MACROD2: variants seen among roughly 807,000 people sequenced by gnomAD.
The protein encoded by MACROD2 is mono-ADP ribosylhydrolase 2, also known as ADP-ribose glycohydrolase MACROD2.
Under a neutral mutation model 70.4 loss-of-function variants are expected in MACROD2, and 36 were observed. That is an observed-to-expected ratio of 0.51 (90% CI 0.39 to 0.68). The LOEUF is 0.68. Ranked by LOEUF, MACROD2 falls within the 30% of genes least tolerant of loss-of-function variation. The probability of loss-of-function intolerance (pLI) is 0.00; values close to 1 mark genes in which losing one functional copy is unlikely to be tolerated. For missense variants in MACROD2, 496 were observed against 538.4 expected (o/e 0.92, Z 0.78); for synonymous variants, 172 against 178.8 (o/e 0.96, Z 0.30).
intron 3 of MACROD2, among the ~76,000 whole-genome samples, chr20:14,250,006 G>C (rs554978648): frequency 1.3e-5 from 2 of 152,142 alleles, no homozygotes; most frequent in South Asian, 4.2e-4. Flanking sequence ...ACTCATGGGT[G>C]GGGTGAGGGT....
chr20:14,706,308 A>C (rs952376972), intron 5 of MACROD2, among the ~76,000 whole-genome samples: 1 of 147,556 alleles, frequency 6.8e-6, no homozygotes, highest in Non-Finnish European at 1.5e-5. Context: ...GCAAGATTCT[A>C]TATTAAAAAA....
At chr20:14,021,133 G>A (rs1363285761) in intron 2 of MACROD2, among the ~76,000 whole-genome samples, 1 of 151,928 alleles carries the variant, frequency 6.6e-6, no homozygotes, top group Non-Finnish European at 1.5e-5. Context: ...GGGACTACAG[G>A]CGCCCACCAC....
chr20:15,401,736 G>A (rs1428393221), intron 6 of MACROD2, among the ~76,000 whole-genome samples: 1 of 152,154 alleles, frequency 6.6e-6, no homozygotes, highest in African/African-American at 2.4e-5. Flanking sequence ...AATAACCAAG[G>A]GCTTTGAGGC....
intron 8 of MACROD2, among the ~76,000 whole-genome samples, chr20:15,500,650 G>A (rs1041284914): frequency 7.2e-5 from 11 of 152,108 alleles, no homozygotes; most frequent in Non-Finnish European, 1.6e-4. Flanking sequence ...CATGAATTTA[G>A]CTATTTTCCT....
intron 5 of MACROD2, among the ~76,000 whole-genome samples, chr20:15,225,436 G>T (rs1482448682): frequency 6.6e-6 from 1 of 152,006 alleles, no homozygotes; most frequent in Non-Finnish European, 1.5e-5. Context: ...AAAAATAAAA[G>T]CAGTGAAAAG....
chr20:14,002,436 AT>A, intron 2 of MACROD2, 32 bp downstream of exon 2: 1 of 1,364,678 alleles, frequency 7.3e-7, no homozygotes, highest in Non-Finnish European at 1.0e-6. Flanking sequence ...TTAGGTAGAT[AT>A]TTTTCCCATT....
chr20:14,469,300 G>C (rs2084498824), intron 3 of MACROD2, among the ~76,000 whole-genome samples: 1 of 152,166 alleles, frequency 6.6e-6, no homozygotes. Flanking sequence ...GAGATCTGCT[G>C]TTAGTCTGAT....
chr20:14,292,203 C>T (rs1454946359), intron 3 of MACROD2, among the ~76,000 whole-genome samples: 1 of 151,928 alleles, frequency 6.6e-6, no homozygotes, highest in Non-Finnish European at 1.5e-5. Context: ...GGGTACAGCT[C>T]TTACTAGCCA....
At chr20:15,438,021 A>G (rs1181751669) in intron 7 of MACROD2, among the ~76,000 whole-genome samples, 1 of 152,024 alleles carries the variant, frequency 6.6e-6, no homozygotes, top group African/African-American at 2.4e-5. Flanking sequence ...TAGCCATGGT[A>G]GTGGGCATCT....
chr20:14,958,509 G>A (rs2074556722), intron 5 of MACROD2, among the ~76,000 whole-genome samples: 1 of 152,072 alleles, frequency 6.6e-6, no homozygotes, highest in East Asian at 1.9e-4. Context: ...ACAAGTCCTG[G>A]CACTCCCATC....
At chr20:14,108,475 TA>T (rs371559271) in intron 3 of MACROD2, among the ~76,000 whole-genome samples, 9,609 of 98,120 alleles carry the variant, frequency 0.098, 302 homozygotes, top group African/African-American at 0.12. Context: ...GCTAAGTGGA[TA>T]AAAAAAAAAA....
At chr20:14,739,942 T>C (rs1021402835) in intron 5 of MACROD2, among the ~76,000 whole-genome samples, 1 of 152,012 alleles carries the variant, frequency 6.6e-6, no homozygotes, top group Non-Finnish European at 1.5e-5. Flanking sequence ...GTATGTAAAG[T>C]AGGAATCTAT....
At chr20:14,618,128 A>G (rs904637653) in intron 4 of MACROD2, among the ~76,000 whole-genome samples, 14 of 152,130 alleles carry the variant, frequency 9.2e-5, no homozygotes, top group East Asian at 1.9e-4. Context: ...TTTTTCATCA[A>G]TGTATCCCAA....
chr20:14,300,176 T>C (rs756843175), intron 3 of MACROD2, among the ~76,000 whole-genome samples: 3 of 152,344 alleles, frequency 2.0e-5, no homozygotes, highest in South Asian at 2.1e-4. Context: ...AGTAAAACTT[T>C]CGTTTACTGA....
intron 12 of MACROD2, among the ~76,000 whole-genome samples, chr20:15,951,349 ACAAAGAGAG>A (rs2065902446): frequency 1.3e-5 from 2 of 150,470 alleles, no homozygotes; most frequent in Non-Finnish European, 3.0e-5. Flanking sequence ...ACACACACAC[ACAAAGAGAG>A]AGAGAGAGAG....
intron 5 of MACROD2, among the ~76,000 whole-genome samples, chr20:15,195,331 T>C (rs1474293651): frequency 6.6e-6 from 1 of 152,136 alleles, no homozygotes; most frequent in African/African-American, 2.4e-5. Context: ...TTGCAATTTA[T>C]CCATATGACA....
chr20:15,113,799 T>TGTGTGTGTGTGTGTGC, intron 5 of MACROD2, among the ~76,000 whole-genome samples: 1 of 146,782 alleles, frequency 6.8e-6, no homozygotes, highest in East Asian at 1.9e-4. Context: ...TGTGTGTGTG[T>TGTGTGTGTGTGTGTGC]GCTGGAGGGG....
intron 5 of MACROD2, among the ~76,000 whole-genome samples, chr20:14,765,475 CT>C (rs1263353437): frequency 9.2e-5 from 14 of 152,116 alleles, no homozygotes; most frequent in African/African-American, 3.4e-4. Context: ...GACAACTGAC[CT>C]TGTATGCCTA....
intron 2 of MACROD2, among the ~76,000 whole-genome samples, chr20:14,051,016 G>T (rs1190614513): frequency 6.6e-6 from 1 of 152,140 alleles, no homozygotes; most frequent in Non-Finnish European, 1.5e-5. Context: ...AAAAAGATGA[G>T]TGAGATTGAA....
Sources: allele counts gnomAD v4.1 joint callset (sites outside exome capture counted in the v4.1 genomes callset), GRCh38; gene constraint gnomAD v4.1.1; transcripts MANE v1.5; gene names NCBI Gene and HGNC (gene_info 2026-07-23, HGNC 2026-07-21).